The following FAM47A variants were observed in gnomAD, a reference collection of about 807,000 sequenced individuals.
The protein encoded by FAM47A is protein FAM47A.
In FAM47A, 1 loss-of-function variant was observed where a neutral mutation model predicts 2.6. The ratio of observed to expected loss-of-function variants is 0.39; its 90% CI spans 0.14 to 1.83. The LOEUF (loss-of-function observed/expected upper bound fraction) is 1.83. Ranked by LOEUF, FAM47A falls within the 40% of genes most tolerant of loss-of-function variation. The probability of loss-of-function intolerance (pLI) is 0.32; values close to 1 mark genes in which losing one functional copy is unlikely to be tolerated. For missense variants in FAM47A, 657 were observed against 673.1 expected (o/e 0.98, Z 0.26); for synonymous variants, 278 against 270.1 (o/e 1.03, Z -0.29).
Position 34,131,299 on chromosome X carries a change from G to T in FAM47A, c.980C>A (p.Pro327Gln). The T allele has an allele frequency of 1.7e-6, 2 of 1,210,825 alleles. No individual in the cohort carries two copies. The highest frequency in any genetic ancestry group is 5.9e-5 in the East Asian group (2 of 33,730). The change falls in exon 1 of 1, where the codon CCG becomes CAG. Residue 327 changes from proline to glutamine, a missense_variant. Pro to Gln is a moderately conservative substitution (Grantham distance 76). Transcript: ENST00000346193. ...PPKTPVSSLR[P>Q]EPPETGESHL... ...GGACTCTCCAGTCTCCGGAGGCTCCGGGCGGAGACTGGACACCGGAGTCTT... is the reference window on the plus strand; with the variant it reads ...GGACTCTCCAGTCTCCGGAGGCTCCTGGCGGAGACTGGACACCGGAGTCTT...
In FAM47A at chrX:34,130,870, G is replaced by A. The variant is rs759715180; in HGVS notation, c.1409C>T (p.Pro470Leu). 4.3e-5 allele frequency: 52 copies of A among 1,198,296 alleles called. No individual in the cohort carries two copies. The highest frequency in any genetic ancestry group is 5.4e-5 in the Non-Finnish European group (48 of 888,827). The change falls in exon 1 of 1, where the codon CCT (proline) becomes CTT (leucine). Residue 470 changes from proline to leucine, a missense_variant. This residue lies in a region of FAM47A where 436 missense variants were observed against 414.1 expected (regional missense o/e 1.05). Transcript: ENST00000346193. Reference sequence around the variant, plus strand: ...GGGATGGGACACCTGAGTCTCGGGAGGCTGCAGGCAGGGTTCCCCACAAGG... The same window carrying A: ...GGGATGGGACACCTGAGTCTCGGGAAGCTGCAGGCAGGGTTCCCCACAAGG... ...KSPCGEPCLQ[P>L]PETQVSHPHP...
At position 34,131,388 on chromosome X, in the gene FAM47A, A is replaced by G. The variant is rs1451908792; in HGVS notation, c.891T>C (p.Pro297=). 10 of 1,203,402 alleles carry G rather than the reference A, an allele frequency of 8.3e-6. No homozygotes were observed. Among genetic ancestry groups the G allele is most frequent in the East Asian group, 6.0e-5 (2 of 33,428 alleles). Residue 297 remains proline, a synonymous_variant, in exon 1 of 1, where the codon CCT becomes CCC. Coordinates refer to ENST00000346193, the MANE Select transcript of FAM47A (RefSeq NM_203408.4). ...AAGGCCGAGGACAGAATTTCCCACA[A>G]GGGTATTTACCAGGCTCTGTGGGTT... The part of the protein sequence containing the change: ...TDEPTEPGKY[P]CGKFCPRPFE...
In FAM47A at chrX:34,132,076, G is replaced by A; in HGVS notation, c.203C>T (p.Thr68Ile). ...FRYGCPSPED[T>I]LVCRRDEFLL... ...AAACTCGTCACGGCGACAAACGAGA[G>A]TATCTTCGGGAGACGGACAGCCGTA... Residue 68 changes from threonine to isoleucine, a missense_variant, in exon 1 of 1, where the codon ACT (threonine) becomes ATT (isoleucine). Physicochemically the swap from Thr to Ile is moderately conservative, Grantham distance 89. Transcript: ENST00000346193. 8.3e-7 allele frequency: 1 copy of A among 1,210,195 alleles called. No individual in the cohort carries two copies. Among genetic ancestry groups the A allele is most frequent in the Non-Finnish European group, 1.1e-6 (1 of 894,823 alleles).
At position 34,130,236 on chromosome X, in the gene FAM47A, C is replaced by T. The variant is rs749581923; in HGVS notation, c.2043G>A (p.Thr681=). The stretch of plus-strand genomic sequence containing the variant: ...GCTGTGCGGTATAAGAATTCGATGG[C>T]GTGTGGAATTTCCTGCCCCAGTATT... ...QEKYWGRKFH[T]PSNSYTAQRV... is the part of the protein sequence containing the mutation. Residue 681 remains threonine, a synonymous_variant, in exon 1 of 1, where the codon ACG becomes ACA. Coordinates refer to ENST00000346193, the MANE Select transcript of FAM47A (RefSeq NM_203408.4). 8.3e-6 allele frequency: 10 copies of T among 1,210,853 alleles called. No homozygotes were observed. Among genetic ancestry groups the T allele is most frequent in the South Asian group, 5.3e-5 (3 of 56,721 alleles).
rs1317819759 is a variant in FAM47A, at chrX:34,130,174, G to C, written c.2105C>G (p.Pro702Arg). 8.3e-7 allele frequency: 1 copy of C among 1,211,823 alleles called. No individual in the cohort carries two copies. Among genetic ancestry groups the C allele is most frequent in the Non-Finnish European group, 1.1e-6 (1 of 895,567 alleles). ...KMKYGAWYLK[P>R]KLWKKLRSDE... Reference sequence around the variant, plus strand: ...ACTTCTTAGCTTTTTCCACAACTTAGGCTTGAGGTACCATGCTCCATACTT... The same window carrying C: ...ACTTCTTAGCTTTTTCCACAACTTACGCTTGAGGTACCATGCTCCATACTT... The change falls in exon 1 of 1, where the codon CCT becomes CGT. Residue 702 changes from proline (P) to arginine (R), a missense_variant. By Grantham distance (103) the Pro-to-Arg change is moderately radical. Transcript: ENST00000346193.
Position 34,131,963 on chromosome X carries a change from T to C in FAM47A, c.316A>G (p.Lys106Glu). ...KLLKKAALFS[K>E]LSPAQLARKA... ...CGTGCTAGCTGGGCTGGAGAGAGCTTGGAAAATAGGGCCGCTTTCTTGAGC... is the reference window on the plus strand; with the variant it reads ...CGTGCTAGCTGGGCTGGAGAGAGCTCGGAAAATAGGGCCGCTTTCTTGAGC... Residue 106 changes from lysine to glutamate, a missense_variant, in exon 1 of 1, where the codon AAG becomes GAG. Coordinates refer to ENST00000346193, the MANE Select transcript of FAM47A (RefSeq NM_203408.4). The C allele has an allele frequency of 8.3e-7, 1 of 1,211,693 alleles. No individual in the cohort carries two copies. The highest frequency in any genetic ancestry group is 1.1e-6 in the Non-Finnish European group (1 of 895,475).
Position 34,130,369 on chromosome X carries a change from G to A in FAM47A, c.1910C>T (p.Ala637Val), listed in dbSNP as rs751971434. ...NLFDFTPKYR[A>V]THEDQKFKKV... The stretch of plus-strand genomic sequence containing the variant: ...CTTAAACTTTTGGTCCTCATGGGTT[G>A]CTCTGTACTTGGGGGTAAAGTCAAA... The change falls in exon 1 of 1, where the codon GCA becomes GTA. Residue 637 changes from alanine (A) to valine (V), a missense_variant. Coordinates refer to ENST00000346193, the MANE Select transcript of FAM47A (RefSeq NM_203408.4). 3.3e-6 allele frequency: 4 copies of A among 1,211,739 alleles called. No individual in the cohort carries two copies. The highest frequency in any genetic ancestry group is 4.5e-6 in the Non-Finnish European group (4 of 895,551).
At position 34,130,242 on chromosome X, in the gene FAM47A, G is replaced by C. The variant is rs756772940; in HGVS notation, c.2037C>G (p.Phe679Leu). Reference sequence around the variant, plus strand: ...CGGTATAAGAATTCGATGGCGTGTGGAATTTCCTGCCCCAGTATTTTTCCT... The same window carrying C: ...CGGTATAAGAATTCGATGGCGTGTGCAATTTCCTGCCCCAGTATTTTTCCT... ...FSQEKYWGRKFHTPSNSYTAQ... is the reference protein window; with the variant it reads ...FSQEKYWGRKLHTPSNSYTAQ... The change falls in exon 1 of 1, where the codon TTC becomes TTG. Residue 679 changes from phenylalanine to leucine, a missense_variant. Around this residue, in one of 3 missense-constraint regions of FAM47A, gnomAD observed 198 missense variants for 203.4 expected, o/e 0.97. Transcript: ENST00000346193. 3.6e-5 allele frequency: 44 copies of C among 1,209,129 alleles called. No individual in the cohort carries two copies. Among genetic ancestry groups the C allele is most frequent in the Non-Finnish European group, 3.8e-5 (34 of 894,843 alleles).
rs371783934 is a variant in FAM47A, at chrX:34,130,214, G to C, written c.2065C>G (p.Gln689Glu). The change falls in exon 1 of 1, where the codon CAG becomes GAG. Residue 689 changes from glutamine to glutamate, a missense_variant. Transcript: ENST00000346193. Reference protein sequence around the residue: ...FHTPSNSYTAQRVKMKYGAWY... With the variant: ...FHTPSNSYTAERVKMKYGAWY... ...GCTCCATACTTCATCTTCACACGCT[G>C]TGCGGTATAAGAATTCGATGGCGTG... 8 of 1,210,341 alleles carry C rather than the reference G, an allele frequency of 6.6e-6. No homozygotes were observed. The highest frequency in any genetic ancestry group is 5.9e-5 in the East Asian group (2 of 33,749).
Position 34,130,395 on chromosome X carries a change from C to T in FAM47A, c.1884G>A (p.Leu628=), listed in dbSNP as rs753322262. The part of the protein sequence containing the change: ...LGADEESIRN[L]FDFTPKYRAT... ...CTCTGTACTTGGGGGTAAAGTCAAACAGATTCCTGATGGATTCTTCATCAG... is the reference window on the plus strand; with the variant it reads ...CTCTGTACTTGGGGGTAAAGTCAAATAGATTCCTGATGGATTCTTCATCAG... Residue 628 remains leucine (L), a synonymous_variant, in exon 1 of 1, where the codon CTG becomes CTA. Transcript: ENST00000346193. 76 of 1,210,079 alleles carry T rather than the reference C, an allele frequency of 6.3e-5. No homozygotes were observed. Among genetic ancestry groups the T allele is most frequent in the Non-Finnish European group, 8.4e-5 (75 of 895,319 alleles).
In FAM47A at chrX:34,130,764, G is replaced by A. The variant is rs1224200149; in HGVS notation, c.1515C>T (p.Arg505=). 1 of 1,184,003 alleles carries A rather than the reference G, an allele frequency of 8.4e-7. No homozygotes were observed. The highest frequency in any genetic ancestry group is 3.0e-5 in the East Asian group (1 of 33,564). The change falls in exon 1 of 1, where the codon CGC becomes CGT. Residue 505 remains arginine, a synonymous_variant. Coordinates refer to ENST00000346193, the MANE Select transcript of FAM47A (RefSeq NM_203408.4). The stretch of plus-strand genomic sequence containing the variant: ...TCCGACGAGTCTTGGGAGGCTCCGA[G>A]CGGAGACTGGACGTCCGACGAGTCT... The part of the protein sequence containing the change: ...PPKTRRTSSL[R]SEPPKTRRTS...
In FAM47A at chrX:34,129,850, A is replaced by T. The variant is rs963925113; in HGVS notation, c.*53T>A. The T allele has an allele frequency of 2.8e-5, 30 of 1,071,780 alleles. 2 individuals carry two copies. The Admixed American group carries it at 6.7e-4, about 24-fold the overall frequency. The allele number at this position is 1,071,780 out of a possible 1,213,427, so 88.3% of individuals were successfully genotyped here. ...GGCCAGTCATCATAAATTATGATTG[A>T]TGATTAAAATGAGAGCAAGAAATAC... On this transcript the variant is annotated 3_prime_UTR_variant, in exon 1 of 1. Transcript: ENST00000346193.
rs1922396753 is a variant in FAM47A at position 34,129,807 on chromosome X, A to T, written c.*96T>A. On this transcript the variant is annotated 3_prime_UTR_variant, in exon 1 of 1. Transcript: ENST00000346193. ...AGGTATTGAATTTACAGATGTTGCC[A>T]AAGTTGTGCATCCACGGGGCCAGTC... is the stretch of plus-strand genomic sequence containing the variant. 2.4e-6 allele frequency: 2 copies of T among 842,761 alleles called. No homozygotes were observed. The highest frequency in any genetic ancestry group is 3.3e-6 in the Non-Finnish European group (2 of 607,110). The allele number at this position is 842,761 out of a possible 1,213,427, so 69.5% of individuals were successfully genotyped here.
chrX:34,130,158 CT>C lies in FAM47A; in HGVS notation c.2120del (p.Lys707SerfsTer2). The C allele has an allele frequency of 8.3e-7, 1 of 1,211,865 alleles. No homozygotes were observed. The highest frequency in any genetic ancestry group is 1.1e-6 in the Non-Finnish European group (1 of 895,549). On this transcript the variant is annotated frameshift_variant, in exon 1 of 1. Transcript: ENST00000346193. LOFTEE classifies it low-confidence loss of function (END_TRUNC). ...CAATCAAAGGTTCATCACTTCTTAG[CT>C]TTTTCCACAACTTAGGCTTGAGGTA... ...AWYLKPKLWK[K>X]LRSDEPLIDP...
rs1380099578 is a variant in FAM47A, at chrX:34,130,633, T to C, written c.1646A>G (p.Lys549Arg). Residue 549 changes from lysine (K) to arginine (R), a missense_variant, in exon 1 of 1, where the codon AAG (lysine) becomes AGG (arginine). This residue lies in a region of FAM47A where 198 missense variants were observed against 203.4 expected (regional missense o/e 0.97). Coordinates refer to ENST00000346193, the MANE Select transcript of FAM47A (RefSeq NM_203408.4). ...RVSSLRPELP[K>R]SRRVSSLHPE... The stretch of plus-strand genomic sequence containing the variant: ...GTGGAGACTGGACACCCGACGACTC[T>C]TGGGAAGCTCCGGGCGGAGACTGGA... The C allele has an allele frequency of 3.3e-6, 4 of 1,206,805 alleles. No individual in the cohort carries two copies. In the Admixed American group the frequency reaches 8.8e-5, roughly 27 times the overall value.
rs368188314 is a variant in FAM47A at position 34,130,645 on chromosome X, G to C, written c.1634C>G (p.Pro545Arg). The C allele has an allele frequency of 5.0e-6, 6 of 1,208,680 alleles. No homozygotes were observed. Among genetic ancestry groups the C allele is most frequent in the Non-Finnish European group, 6.7e-6 (6 of 894,420 alleles). The change falls in exon 1 of 1, where the codon CCG becomes CGG. Residue 545 changes from proline to arginine, a missense_variant. Physicochemically the swap from Pro to Arg is moderately radical, Grantham distance 103. Around this residue, in one of 3 missense-constraint regions of FAM47A, gnomAD observed 198 missense variants for 203.4 expected, o/e 0.97. Transcript: ENST00000346193. ...CACCCGACGACTCTTGGGAAGCTCC[G>C]GGCGGAGACTGGACACTCGACGAGT... is the stretch of plus-strand genomic sequence containing the variant. ...PKTRRVSSLR[P>R]ELPKSRRVSS...
Position 34,131,941 on chromosome X carries a change from G to C in FAM47A, c.338C>G (p.Ala113Gly). 1 of 1,211,089 alleles carries C rather than the reference G, an allele frequency of 8.3e-7. No homozygotes were observed. Among genetic ancestry groups the C allele is most frequent in the Non-Finnish European group, 1.1e-6 (1 of 895,299 alleles). ...LFSKLSPAQL[A>G]RKAFVEQVEA... is the part of the protein sequence containing the mutation. ...CACTTGCTCTACGAACGCCTTCCGT[G>C]CTAGCTGGGCTGGAGAGAGCTTGGA... Residue 113 changes from alanine (A) to glycine (G), a missense_variant, in exon 1 of 1, where the codon GCA becomes GGA. This residue lies in a region of FAM47A where 436 missense variants were observed against 414.1 expected (regional missense o/e 1.05). Transcript: ENST00000346193.
chrX:34,131,643 G>T lies in FAM47A; in HGVS notation c.636C>A (p.Ser212Arg). 22 of 1,210,179 alleles carry T rather than the reference G, an allele frequency of 1.8e-5. No individual in the cohort carries two copies. The highest frequency in any genetic ancestry group is 2.5e-5 in the Non-Finnish European group (22 of 894,566). Residue 212 changes from serine to arginine, a missense_variant, in exon 1 of 1, where the codon AGC becomes AGA. Coordinates refer to ENST00000346193, the MANE Select transcript of FAM47A (RefSeq NM_203408.4). ...EPPETGVSHL[S>R]PEPPKTPVSS... ...ACACCGGAGTCTTGGGAGGCTCCGG[G>T]CTTAGATGGGACACTCCAGTCTCGG...
Position 34,130,819 on chromosome X carries a change from C to T in FAM47A, c.1460G>A (p.Arg487Gln), listed in dbSNP as rs1477454448. The T allele has an allele frequency of 8.4e-6, 10 of 1,186,079 alleles. No individual in the cohort carries two copies. Among genetic ancestry groups the T allele is most frequent in the Middle Eastern group, 2.4e-4 (1 of 4,252 alleles). ...HPHPEHPKTR[R>Q]RSSLHSQPPK... ...AGGCTGCGAGTGGAGACTGGACCTC[C>T]GACGTGTCTTGGGATGTTCCGGGTG... Residue 487 changes from arginine (R) to glutamine (Q), a missense_variant, in exon 1 of 1, where the codon CGG (arginine) becomes CAG (glutamine). Physicochemically the swap from Arg to Gln is conservative, Grantham distance 43. Coordinates refer to ENST00000346193, the MANE Select transcript of FAM47A (RefSeq NM_203408.4).
Sources: gnomAD v4.1 joint callset for allele counts on GRCh38, gnomAD v4.1.1 for gene constraint, gnomAD v4.1.1 regional missense constraint, MANE v1.5 for transcripts, NCBI Gene and HGNC (gene_info 2026-07-23, HGNC 2026-07-21) for gene names.